Variants in TCF4 observed in about 807,000 individuals in gnomAD.
TCF4 encodes the protein SL3-3 enhancer factor 2.
Under a neutral mutation model 82.1 loss-of-function variants are expected in TCF4, and 3 were observed. The observed-to-expected ratio is 0.04, with a 90% CI of 0.02 to 0.09. TCF4 has a LOEUF of 0.09. TCF4 is among the 10% of genes least tolerant of loss of function. TCF4 has a pLI of 1.00. For missense variants in TCF4, 518 were observed against 852.7 expected (o/e 0.61, Z 4.89); for synonymous variants, 276 against 309.6 (o/e 0.89, Z 1.14).
chr18:55,356,844 G>A (rs758355116), intron 6 of TCF4, among the ~76,000 whole-genome samples: 3 of 152,080 alleles, frequency 2.0e-5, no homozygotes, highest in African/African-American at 4.8e-5. Context: ...GGAAATGTAC[G>A]TAATTCCCAA....
At chr18:55,507,548 T>C (rs1222442092) in intron 3 of TCF4, among the ~76,000 whole-genome samples, 1 of 144,496 alleles carries the variant, frequency 6.9e-6, no homozygotes, top group African/African-American at 2.5e-5. Context: ...AAACTACAGA[T>C]AAGGGGGGCG....
intron 8 of TCF4, chr18:55,322,396 C>T (rs1289691230): frequency 1.3e-6 from 1 of 748,254 alleles, no homozygotes; most frequent in African/African-American, 2.4e-5. Flanking sequence ...GAACTCGACT[C>T]GGAGAAAGGG....
At chr18:55,322,171 A>G (rs1602609424) in intron 8 of TCF4, 5 of 1,056,694 alleles carry the variant, frequency 4.7e-6, no homozygotes, top group Non-Finnish European at 5.7e-6. Context: ...TTTCCACTCA[A>G]CTGCCTTAGG....
intron 6 of TCF4, among the ~76,000 whole-genome samples, chr18:55,375,989 A>G (rs2043961): frequency 0.19 from 28,611 of 147,962 alleles, 3,635 homozygotes; most frequent in East Asian, 0.57. Context: ...GAAAGTATCC[A>G]TGTATTATTT....
chr18:55,619,845 C>T (rs560810251), intron 2 of TCF4, among the ~76,000 whole-genome samples: 2 of 152,022 alleles, frequency 1.3e-5, no homozygotes, highest in African/African-American at 4.8e-5. Flanking sequence ...AGCTTTTTTC[C>T]TTCCCTGGAG....
intron 6 of TCF4, among the ~76,000 whole-genome samples, chr18:55,353,194 C>CTATA (rs2082672238): frequency 6.6e-6 from 1 of 152,120 alleles, no homozygotes; most frequent in South Asian, 2.1e-4. Flanking sequence ...CACACACTTG[C>CTATA]TATACTGTCT....
intron 6 of TCF4, among the ~76,000 whole-genome samples, chr18:55,354,027 A>T (rs888911543): frequency 7.2e-5 from 11 of 152,182 alleles, no homozygotes; most frequent in Non-Finnish European, 1.3e-4. Context: ...GCCAGGAAAC[A>T]CTGGAGGCAG....
upstream of TCF4, chr18:55,588,395 C>T: frequency 6.5e-7 from 1 of 1,533,444 alleles, no homozygotes; most frequent in South Asian, 1.2e-5. Flanking sequence ...TCGCACCCAC[C>T]CCGAGGGGAA....
chr18:55,621,481 A>ATTATATAATGTACATT lies in TCF4; in HGVS notation c.286+9816_286+9817insAATGTACATTATATAA, dbSNP rs1368019427. Among the ~76,000 whole-genome samples, 10 of 94,688 alleles carry ATTATATAATGTACATT rather than the reference A, an allele frequency of 1.1e-4. 1 individual carries two copies. The highest frequency in any genetic ancestry group is 1.9e-4 in the Non-Finnish European group (10 of 51,352). 62.1% of individuals were successfully genotyped at this position (94,688 alleles called of 152,430 possible). ...TAATATATAATATATATAAAAATAT[A>ATTATATAATGTACATT]ATATATATTATATAATGTACATTAT... On this transcript the variant is annotated intron_variant, in intron 2 of 20. Transcript: ENST00000398339.
chr18:55,384,675 A>G (rs1391705310), intron 6 of TCF4, among the ~76,000 whole-genome samples: 1 of 152,176 alleles, frequency 6.6e-6, no homozygotes, highest in Non-Finnish European at 1.5e-5. Flanking sequence ...AGAAGAGCCA[A>G]AGTTATCCAT....
intron 5 of TCF4, among the ~76,000 whole-genome samples, chr18:55,430,404 C>G (rs2095152118): frequency 6.6e-6 from 1 of 152,230 alleles, no homozygotes; most frequent in African/African-American, 2.4e-5. Context: ...AGTTTTCCAA[C>G]AGCAAACTGG....
At position 55,228,266 on chromosome 18, in the gene TCF4, G is replaced by A. The variant is rs756727832; in HGVS notation, c.1975C>T (p.Pro659Ser). The change falls in exon 19 of 20, where the codon CCT becomes TCT. Residue 659 changes from proline (P) to serine (S), a missense_variant. Around this residue, in one of 7 missense-constraint regions of TCF4, gnomAD observed 40 missense variants for 41.5 expected, o/e 0.96. Coordinates refer to ENST00000354452, the MANE Select transcript of TCF4 (RefSeq NM_001083962.2). The part of the protein sequence containing the change: ...PPPLSLAGPH[P>S]GMGDASNHMG... ...TGATTCGATGCGTCTCCCATTCCAGGGTGTGGGCCGGCCAAGGAGAGAGGG... is the reference window on the plus strand; with the variant it reads ...TGATTCGATGCGTCTCCCATTCCAGAGTGTGGGCCGGCCAAGGAGAGAGGG... 7.4e-6 allele frequency: 12 copies of A among 1,613,974 alleles called. No homozygotes were observed. The South Asian group carries it at 1.3e-4, about 18-fold the overall frequency.
At chr18:55,386,946 T>C (rs1417553602) in intron 6 of TCF4, among the ~76,000 whole-genome samples, 2 of 152,212 alleles carry the variant, frequency 1.3e-5, no homozygotes, top group African/African-American at 4.8e-5. Context: ...AATGTGTCCA[T>C]TTCCTCTTAA....
chr18:55,468,298 C>T (rs2096076420), intron 3 of TCF4, among the ~76,000 whole-genome samples: 1 of 152,156 alleles, frequency 6.6e-6, no homozygotes, highest in Non-Finnish European at 1.5e-5. Context: ...TGGGTCAAAA[C>T]TTTAGAAGCT....
intron 8 of TCF4, among the ~76,000 whole-genome samples, chr18:55,295,780 A>G (rs2066344392): frequency 6.6e-6 from 1 of 152,152 alleles, no homozygotes; most frequent in South Asian, 2.1e-4. Flanking sequence ...GTCACCGGAT[A>G]TGCCATGCTC....
chr18:55,259,821 T>C (rs1462621490), intron 13 of TCF4, 128 bp downstream of exon 13: 1 of 785,926 alleles, frequency 1.3e-6, no homozygotes, highest in Non-Finnish European at 2.2e-6. Context: ...TGTATTTGTC[T>C]GTTATAGGAA....
intron 6 of TCF4, among the ~76,000 whole-genome samples, chr18:55,397,332 C>G (rs910518251): frequency 6.6e-6 from 1 of 152,072 alleles, no homozygotes; most frequent in African/African-American, 2.4e-5. Context: ...AAGTGATGAA[C>G]AAAATTAAAC....
chr18:55,281,365 G>C (rs1170666223), intron 8 of TCF4, among the ~76,000 whole-genome samples: 1 of 152,094 alleles, frequency 6.6e-6, no homozygotes, highest in Non-Finnish European at 1.5e-5. Flanking sequence ...CTAACAAGAT[G>C]AAAGAAACAT....
Position 55,362,434 on chromosome 18 carries a change from G to GAAGGAAGGAAGGA in TCF4, c.370-11432_370-11431insTCCTTCCTTCCTT, listed in dbSNP as rs1414185890. Among the ~76,000 whole-genome samples, 16 of 118,104 alleles carry GAAGGAAGGAAGGA rather than the reference G, an allele frequency of 1.4e-4. 1 individual carries two copies. Among genetic ancestry groups the GAAGGAAGGAAGGA allele is most frequent in the African/African-American group, 4.1e-4 (12 of 29,092 alleles). The allele number at this position is 118,104 out of a possible 152,430, so 77.5% of individuals were successfully genotyped here. A position where few individuals can be genotyped will look rare whatever the true frequency, so the allele number is the denominator to read the frequency against. ...GGAAGGAAGGAAGGAAGGAAGGAAG[G>GAAGGAAGGAAGGA]AAAAAAAAAAAGAAGAAAACATGTA... On this transcript the variant is annotated intron_variant, in intron 6 of 19. Transcript: ENST00000354452.
Sources: allele counts gnomAD v4.1 joint callset (sites outside exome capture counted in the v4.1 genomes callset), GRCh38; gene constraint gnomAD v4.1.1; regional missense constraint gnomAD v4.1.1; transcripts MANE v1.5; gene names NCBI Gene and HGNC (gene_info 2026-07-23, HGNC 2026-07-21).